POLDIP3: variants seen among roughly 807,000 people sequenced by gnomAD.
POLDIP3 encodes the protein DNA polymerase delta interacting protein 3.
Under a neutral mutation model 45.1 loss-of-function variants are expected in POLDIP3, and 14 were observed. The observed-to-expected ratio is 0.31, with a 90% CI of 0.20 to 0.49. POLDIP3 has a LOEUF of 0.49. POLDIP3 is among the 20% of genes least tolerant of loss of function. The probability of loss-of-function intolerance (pLI) is 0.99; values close to 1 mark genes in which losing one functional copy is unlikely to be tolerated. For synonymous variants in POLDIP3, 223 were observed against 205.2 expected, an observed-to-expected ratio of 1.09 and a Z score of -0.74; for missense variants, 511 against 538.8, an observed-to-expected ratio of 0.95 and a Z score of 0.51.
chr22:42,587,421 A>T, intron 8 of POLDIP3, 85 bp downstream of exon 8: 4 of 1,320,344 alleles, frequency 3.0e-6, no homozygotes, highest in South Asian at 2.4e-5. Flanking sequence ...GATGAAGGGG[A>T]GCTGTGATGC....
At chr22:42,598,918 C>T (rs929969546) in intron 4 of POLDIP3, among the ~76,000 whole-genome samples, 9 of 152,194 alleles carry the variant, frequency 5.9e-5, no homozygotes, top group African/African-American at 2.2e-4. Context: ...GATGTCTGAC[C>T]AACACTCTAG....
At chr22:42,595,420 G>T in intron 6 of POLDIP3, 117 bp downstream of exon 6, 1 of 883,888 alleles carries the variant, frequency 1.1e-6, no homozygotes, top group Non-Finnish European at 1.9e-6. Context: ...CCCTGAGCGT[G>T]ACTATATGCT....
Position 42,603,165 on chromosome 22 carries a change from A to G in POLDIP3, c.60-5T>C. ...ACTCCCGGTCTGGCATTAAGCCTGT[A>G]AATATAAATTGCAATCAATATTAAG... On this transcript the variant is annotated splice_region_variant and splice_polypyrimidine_tract_variant and intron_variant, in intron 1 of 8. Transcript: ENST00000252115. 6.2e-7 allele frequency: 1 copy of G among 1,612,556 alleles called. No individual in the cohort carries two copies. The highest frequency in any genetic ancestry group is 8.5e-7 in the Non-Finnish European group (1 of 1,178,786).
At chr22:42,609,149 G>C (rs1349838904) in intron 1 of POLDIP3, among the ~76,000 whole-genome samples, 2 of 152,176 alleles carry the variant, frequency 1.3e-5, no homozygotes, top group African/African-American at 4.8e-5. Context: ...ACCCCTGGGG[G>C]GGCCTCGGCT....
rs562760020 is a variant in POLDIP3, at chr22:42,585,714, C to G, written c.*77G>C. ...ATCAGGGGTCTCCAGTCCGATGGCC[C>G]ATTGGTCATAAGCTTTGCCTTGGGG... On this transcript the variant is annotated 3_prime_UTR_variant, in exon 9 of 9. Coordinates refer to ENST00000252115, the MANE Select transcript of POLDIP3 (RefSeq NM_032311.5). The G allele has an allele frequency of 1.3e-5, 20 of 1,492,788 alleles. No homozygotes were observed. The East Asian group carries it at 4.3e-4, about 32-fold the overall frequency. The allele number at this position is 1,492,788 out of a possible 1,614,324, so 92.5% of individuals were successfully genotyped here.
chr22:42,598,182 A>G lies in POLDIP3; in HGVS notation c.633+1516T>C, dbSNP rs1413480696. Among the ~76,000 whole-genome samples the G allele has an allele frequency of 1.4e-4, 21 of 146,926 alleles. 1 individual carries two copies. The highest frequency in any genetic ancestry group is 1.4e-3 in the Admixed American group (21 of 14,762). The stretch of plus-strand genomic sequence containing the variant: ...ACTGTAAGCTCTGCCTCCCAGGTTC[A>G]CACCATTCTCCTGCCTCAGCCTCCC... On this transcript the variant is annotated intron_variant, in intron 4 of 8. Coordinates refer to ENST00000252115, the MANE Select transcript of POLDIP3 (RefSeq NM_032311.5).
chr22:42,599,402 G>C (rs1034664658), intron 4 of POLDIP3, among the ~76,000 whole-genome samples: 1 of 152,246 alleles, frequency 6.6e-6, no homozygotes, highest in African/African-American at 2.4e-5. Context: ...TCAGGAGTTT[G>C]AGACCAGCCT....
intron 3 of POLDIP3, among the ~76,000 whole-genome samples, chr22:42,601,476 T>C (rs1299591665): frequency 6.6e-6 from 1 of 151,862 alleles, no homozygotes; most frequent in Non-Finnish European, 1.5e-5. Context: ...AAGAAGTTTC[T>C]TCTTGGCTGG....
intron 7 of POLDIP3, among the ~76,000 whole-genome samples, chr22:42,590,924 A>C (rs1925625194): frequency 6.6e-6 from 1 of 152,100 alleles, no homozygotes; most frequent in Non-Finnish European, 1.5e-5. Flanking sequence ...ATACAAAAAA[A>C]TTAGCTGGGC....
intron 7 of POLDIP3, 22 bp from the exon 8 acceptor site, chr22:42,587,594 A>C (rs1278427191): frequency 3.7e-6 from 6 of 1,606,322 alleles, no homozygotes; most frequent in Non-Finnish European, 5.1e-6. Flanking sequence ...AAGAAAGAAA[A>C]AGGCTCTGCT....
chr22:42,602,125 C>G, intron 2 of POLDIP3, 69 bp from the exon 3 acceptor site: 1 of 1,608,612 alleles, frequency 6.2e-7, no homozygotes, highest in South Asian at 1.1e-5. Flanking sequence ...AAGGGGGTTA[C>G]TGAACTTGAT....
chr22:42,602,621 C>G lies in POLDIP3; in HGVS notation c.450+149G>C, dbSNP rs925845814. 4 of 841,516 alleles carry G rather than the reference C, an allele frequency of 4.8e-6. No homozygotes were observed. The African/African-American group carries it at 6.8e-5, about 14-fold the overall frequency. 52.1% of individuals were successfully genotyped at this position (841,516 alleles called of 1,614,324 possible). ...TCCTTGTATAGTTCCTTGGCTATAA[C>G]GTACTTAAAGCCTCTGTAAGGAGCA... On this transcript the variant is annotated intron_variant, in intron 2 of 8. Transcript: ENST00000252115.
In POLDIP3 at chr22:42,601,995, A is replaced by G. The variant is rs755049373; in HGVS notation, c.512T>C (p.Val171Ala). Reference protein sequence around the residue: ...HPHPAGMRINVVNNHQAKQNL... With the variant: ...HPHPAGMRINAVNNHQAKQNL... ...CTGTTTGGCCTGGTGGTTATTGACAACATTGATTCTCATTCCGGCAGGATG... is the reference window on the plus strand; with the variant it reads ...CTGTTTGGCCTGGTGGTTATTGACAGCATTGATTCTCATTCCGGCAGGATG... Residue 171 changes from valine (V) to alanine (A), a missense_variant, in exon 3 of 9, where the codon GTT (valine) becomes GCT (alanine). Physicochemically the swap from Val to Ala is moderately conservative, Grantham distance 64 (BLOSUM62 0). Coordinates refer to ENST00000252115, the MANE Select transcript of POLDIP3 (RefSeq NM_032311.5). The G allele has an allele frequency of 6.2e-7, 1 of 1,614,112 alleles. No homozygotes were observed. Among genetic ancestry groups the G allele is most frequent in the East Asian group, 2.2e-5 (1 of 44,876 alleles).
chr22:42,600,769 A>G (rs1267250273), intron 3 of POLDIP3, among the ~76,000 whole-genome samples: 1 of 152,206 alleles, frequency 6.6e-6, no homozygotes, highest in African/African-American at 2.4e-5. Context: ...CAGGAGTTCG[A>G]GATCAGCCTG....
At chr22:42,590,512 TAGGCA>T (rs150660021) in intron 7 of POLDIP3, among the ~76,000 whole-genome samples, 4,803 of 152,034 alleles carry the variant, frequency 0.032, 86 homozygotes, top group Non-Finnish European at 0.049. Context: ...CTGAGTAGAG[TAGGCA>T]ACTGTATTTG....
chr22:42,602,237 G>C lies in POLDIP3; in HGVS notation c.451-181C>G, dbSNP rs1458809426. The C allele has an allele frequency of 3.1e-6, 3 of 976,840 alleles. No individual in the cohort carries two copies. In the Admixed American group the frequency reaches 8.3e-5, roughly 27 times the overall value. The allele number at this position is 976,840 out of a possible 1,614,324, so 60.5% of individuals were successfully genotyped here. The stretch of plus-strand genomic sequence containing the variant: ...GAAGAATCATCAATCCAGAGACCAT[G>C]CCGGTAACGCACATGTAGGGCTTAA... On this transcript the variant is annotated intron_variant, in intron 2 of 8. Transcript: ENST00000252115.
intron 1 of POLDIP3, among the ~76,000 whole-genome samples, chr22:42,606,463 T>C (rs1926735737): frequency 6.6e-6 from 1 of 152,008 alleles, no homozygotes; most frequent in African/African-American, 2.4e-5. Flanking sequence ...AGACTCCATC[T>C]CTATAAAAAT....
chr22:42,610,502 G>A (rs922097527), intron 1 of POLDIP3, among the ~76,000 whole-genome samples: 11 of 152,178 alleles, frequency 7.2e-5, no homozygotes, highest in Non-Finnish European at 1.6e-4. Flanking sequence ...CTGCCACACT[G>A]AACTGCTTGG....
At chr22:42,586,257 A>T (rs944158545) in intron 8 of POLDIP3, among the ~76,000 whole-genome samples, 7 of 151,510 alleles carry the variant, frequency 4.6e-5, no homozygotes, top group African/African-American at 1.7e-4. Context: ...AGGTCTTGCT[A>T]TGTGGCCCAG....
Sources: gnomAD v4.1 joint callset for allele counts (sites outside exome capture counted in the v4.1 genomes callset) on GRCh38, gnomAD v4.1.1 for gene constraint, MANE v1.5 for transcripts, NCBI Gene and HGNC (gene_info 2026-07-23, HGNC 2026-07-21) for gene names.